Variants in PCDHA5 observed in about 807,000 individuals in gnomAD.
PCDHA5 encodes protocadherin alpha 5, also known as protocadherin alpha-5.
In PCDHA5, 43 loss-of-function variants were observed where a neutral mutation model predicts 61.6. That is an observed-to-expected ratio of 0.70 (90% confidence interval 0.55 to 0.90). The LOEUF is 0.90. Ranked by LOEUF, PCDHA5 falls within the 40% of genes least tolerant of loss-of-function variation. The pLI is 0.00. For missense variants in PCDHA5, 1,298 were observed against 1,222.7 expected (o/e 1.06, Z -0.92); for synonymous variants, 627 against 543.9 (o/e 1.15, Z -2.13).
At chr5:140,877,435 G>A (rs1354877569) in intron 1 of PCDHA5, 1 of 1,613,736 alleles carries the variant, frequency 6.2e-7, no homozygotes, top group African/African-American at 1.3e-5. Context: ...GAAGGACCAC[G>A]GTGAGCCCGC....
At chr5:140,987,515 T>TA (rs2097257557) in intron 3 of PCDHA5, among the ~76,000 whole-genome samples, 1 of 152,160 alleles carries the variant, frequency 6.6e-6, no homozygotes, top group African/African-American at 2.4e-5. Flanking sequence ...TGCCACTCAG[T>TA]AATTGTATGT....
At chr5:140,869,151 C>T in intron 1 of PCDHA5, 1 of 1,613,806 alleles carries the variant, frequency 6.2e-7, no homozygotes, top group South Asian at 1.1e-5. Context: ...GACTACAGCT[C>T]TGGCTTCTCC....
chr5:141,008,437 C>T (rs1261106138), intron 3 of PCDHA5, among the ~76,000 whole-genome samples: 1 of 152,182 alleles, frequency 6.6e-6, no homozygotes. Context: ...TTTGCCCAGA[C>T]AGACCATTAC....
At chr5:140,956,217 T>A (rs1554222303) in intron 1 of PCDHA5, among the ~76,000 whole-genome samples, 1 of 152,208 alleles carries the variant, frequency 6.6e-6, no homozygotes, top group Non-Finnish European at 1.5e-5. Context: ...GGCATCCTTG[T>A]CTTGTGCTGG....
intron 1 of PCDHA5, among the ~76,000 whole-genome samples, chr5:140,896,083 T>G (rs1202809868): frequency 6.6e-6 from 1 of 152,184 alleles, no homozygotes; most frequent in African/African-American, 2.4e-5. Context: ...CATGCTGGGA[T>G]TACAGGCGTG....
chr5:140,830,660 T>A, intron 1 of PCDHA5: 1 of 411,746 alleles, frequency 2.4e-6, no homozygotes, highest in Non-Finnish European at 3.9e-6. Flanking sequence ...ATTCATAATT[T>A]AAGTGAAATT....
At chr5:140,841,979 C>A (rs1316425759) in intron 1 of PCDHA5, 1 of 1,613,850 alleles carries the variant, frequency 6.2e-7, no homozygotes, top group East Asian at 2.2e-5. Context: ...TGGGGGCAAA[C>A]CTGAGCTCAC....
chr5:140,966,800 G>T, intron 1 of PCDHA5: 1 of 1,540,654 alleles, frequency 6.5e-7, no homozygotes, highest in East Asian at 2.4e-5. Flanking sequence ...TGCGGCGACA[G>T]AGCATCCACG....
At chr5:140,935,291 C>T (rs1221872941) in intron 1 of PCDHA5, among the ~76,000 whole-genome samples, 4 of 152,100 alleles carry the variant, frequency 2.6e-5, no homozygotes, top group East Asian at 1.9e-4. Context: ...TTCAGCACTC[C>T]GAGGTTTTTA....
At chr5:140,891,504 A>G (rs1225432214) in intron 1 of PCDHA5, among the ~76,000 whole-genome samples, 1 of 151,662 alleles carries the variant, frequency 6.6e-6, no homozygotes, top group Non-Finnish European at 1.5e-5. Context: ...CTCAGCTATA[A>G]TGTTCTCCAA....
intron 1 of PCDHA5, chr5:140,881,407 A>G (rs2058705270): frequency 1.0e-6 from 1 of 956,680 alleles, no homozygotes; most frequent in South Asian, 4.8e-5. Flanking sequence ...TATTAAATCA[A>G]TAGGATATTA....
chr5:140,882,462 G>C (rs1487611246), intron 1 of PCDHA5: 1 of 1,613,916 alleles, frequency 6.2e-7, no homozygotes, highest in Non-Finnish European at 8.5e-7. Context: ...CGCCTGTTCC[G>C]GGTGGCGTCC....
At chr5:140,838,173 G>C (rs1033489567) in intron 1 of PCDHA5, among the ~76,000 whole-genome samples, 2 of 149,160 alleles carry the variant, frequency 1.3e-5, no homozygotes, top group Non-Finnish European at 3.0e-5. Flanking sequence ...GAGTGCAGTG[G>C]TGCAATCTCA....
intron 1 of PCDHA5, chr5:140,841,259 G>GA: frequency 6.6e-7 from 1 of 1,517,710 alleles, no homozygotes; most frequent in East Asian, 2.3e-5. Flanking sequence ...AAAAGACTCT[G>GA]AAAGTACAGT....
intron 1 of PCDHA5, chr5:140,853,410 G>A (rs1291135105): frequency 1.0e-6 from 1 of 986,108 alleles, no homozygotes; most frequent in African/African-American, 1.8e-5. Context: ...AAACAGAGAG[G>A]TGAAAGCAGA....
Position 140,858,257 on chromosome 5 carries a change from C to CTG in PCDHA5, c.2352+34131_2352+34132dup, listed in dbSNP as rs1554151340. 2 of 1,596,552 alleles carry CTG rather than the reference C, an allele frequency of 1.3e-6. 1 individual carries two copies. Among genetic ancestry groups the CTG allele is most frequent in the African/African-American group, 2.7e-5 (2 of 74,280 alleles). ...CGCATGTGGGCCGGTGAAGCCCACGCTGGTGTGCTCTAGCGCGGTGGGGAG... is the reference window on the plus strand; with the variant it reads ...CGCATGTGGGCCGGTGAAGCCCACGCTGTGGTGTGCTCTAGCGCGGTGGGGAG... On this transcript the variant is annotated intron_variant, in intron 1 of 3. Coordinates refer to ENST00000529859, the MANE Select transcript of PCDHA5 (RefSeq NM_018908.3).
At chr5:140,908,985 C>G (rs2074252217) in intron 1 of PCDHA5, among the ~76,000 whole-genome samples, 1 of 152,130 alleles carries the variant, frequency 6.6e-6, no homozygotes, top group African/African-American at 2.4e-5. Context: ...CCACTGGACC[C>G]CTAGAAATTT....
intron 3 of PCDHA5, among the ~76,000 whole-genome samples, chr5:140,991,888 A>T (rs1374098533): frequency 6.6e-6 from 1 of 152,178 alleles, no homozygotes; most frequent in African/African-American, 2.4e-5. Context: ...TGCCATAACA[A>T]ATTAACACAA....
intron 1 of PCDHA5, among the ~76,000 whole-genome samples, chr5:140,891,039 A>AC (rs143686625): frequency 6.6e-6 from 1 of 152,040 alleles, no homozygotes; most frequent in East Asian, 1.9e-4. Flanking sequence ...CTTAGGTGTG[A>AC]CCCCCACAGC....
Sources: gnomAD v4.1 joint callset for allele counts (sites outside exome capture counted in the v4.1 genomes callset) on GRCh38, gnomAD v4.1.1 for gene constraint, MANE v1.5 for transcripts, NCBI Gene and HGNC (gene_info 2026-07-23, HGNC 2026-07-21) for gene names.